The following ASS1 variants were observed in gnomAD, a reference collection of about 807,000 sequenced individuals.
ASS1 encodes the protein argininosuccinate synthase 1, also known as argininosuccinate synthase.
In ASS1, 58 loss-of-function variants were observed where a neutral mutation model predicts 60.5. That is an observed-to-expected ratio of 0.96 (90% CI 0.78 to 1.19). The LOEUF is 1.19. Ranked by LOEUF, ASS1 falls within the 50% of genes most tolerant of loss-of-function variation. The pLI, the probability that ASS1 is intolerant of heterozygous loss-of-function variation, is 0.00. For synonymous variants in ASS1, 200 were observed against 206.9 expected, an observed-to-expected ratio of 0.97 and a Z score of 0.29; for missense variants, 454 against 547.3, an observed-to-expected ratio of 0.83 and a Z score of 1.70.
intron 13 of ASS1, among the ~76,000 whole-genome samples, chr9:130,497,284 T>C (rs1212514081): frequency 6.6e-6 from 1 of 152,226 alleles, no homozygotes; most frequent in Non-Finnish European, 1.5e-5. Flanking sequence ...ACCATTTCCC[T>C]TTTCTTTTTG....
At chr9:130,499,611 G>C (rs781111470) in intron 14 of ASS1, 41 bp downstream of exon 14, 3 of 1,582,598 alleles carry the variant, frequency 1.9e-6, no homozygotes, top group Non-Finnish European at 2.6e-6. Context: ...AGAGCCTCCA[G>C]GTGTAAAGGG....
intron 6 of ASS1, among the ~76,000 whole-genome samples, chr9:130,467,319 C>G (rs1845766787): frequency 6.6e-6 from 1 of 152,198 alleles, no homozygotes. Context: ...TTTTGAAGTA[C>G]AAGTTGCAAT....
chr9:130,453,737 C>A (rs537562007), intron 2 of ASS1, among the ~76,000 whole-genome samples: 4 of 152,320 alleles, frequency 2.6e-5, no homozygotes, highest in Middle Eastern at 3.4e-3. Context: ...AGGCCAGAGT[C>A]CAGGCAGCAG....
rs1157942529 is a variant in ASS1 at position 130,494,211 on chromosome 9, A to C, written c.971-656A>C. Among the ~76,000 whole-genome samples the C allele has an allele frequency of 6.6e-6, 1 of 152,248 alleles. No homozygotes were observed. Among genetic ancestry groups the C allele is most frequent in the African/African-American group, 2.4e-5 (1 of 41,466 alleles). On this transcript the variant is annotated intron_variant, in intron 12 of 14. Transcript: ENST00000352480. This position sits in a 1 kb window ranked among gnomAD's most constrained non-coding sequence, Gnocchi z 4.3. ...TATTCTATCTGCCCAGGAAAACAGC[A>C]GCAGGTGCAGAAAACAGCTCACTGA... is the stretch of plus-strand genomic sequence containing the variant.
intron 1 of ASS1, 76 bp downstream of exon 1, chr9:130,445,071 C>A: frequency 1.2e-6 from 1 of 826,944 alleles, no homozygotes; most frequent in Non-Finnish European, 1.5e-6. Flanking sequence ...GAGGAGGAGG[C>A]GTAGAAGACG....
chr9:130,447,098 A>G (rs1344385051), intron 1 of ASS1, among the ~76,000 whole-genome samples: 1 of 152,232 alleles, frequency 6.6e-6, no homozygotes, highest in Admixed American at 6.5e-5. Flanking sequence ...GGCCTGAGCT[A>G]TAGCACACAG....
chr9:130,499,597 C>A, intron 14 of ASS1, 27 bp downstream of exon 14: 1 of 1,602,650 alleles, frequency 6.2e-7, no homozygotes, highest in Non-Finnish European at 8.5e-7. Flanking sequence ...CCTGACGGGC[C>A]TTCAGAGCCT....
At chr9:130,467,440 G>A (rs1470611983) in intron 6 of ASS1, among the ~76,000 whole-genome samples, 3 of 152,134 alleles carry the variant, frequency 2.0e-5, no homozygotes, top group African/African-American at 7.2e-5. Context: ...ATCAGGCCGG[G>A]GAAAAGCAAC....
intron 6 of ASS1, among the ~76,000 whole-genome samples, chr9:130,469,018 C>A (rs1845810355): frequency 6.6e-6 from 1 of 152,262 alleles, no homozygotes; most frequent in African/African-American, 2.4e-5. Flanking sequence ...CCTTTAGCCT[C>A]TCCTTGCTCC....
intron 8 of ASS1, among the ~76,000 whole-genome samples, chr9:130,472,371 G>A (rs953679361): frequency 1.3e-5 from 2 of 152,122 alleles, no homozygotes; most frequent in East Asian, 3.9e-4. Context: ...TCACTCTCAC[G>A]CCCGCGTGCC....
chr9:130,462,822 G>A (rs961889931), intron 4 of ASS1, among the ~76,000 whole-genome samples: 15 of 152,202 alleles, frequency 9.9e-5, no homozygotes, highest in African/African-American at 3.6e-4. Flanking sequence ...AAAGGATTCA[G>A]TGAGTTAATT....
chr9:130,488,794 GT>G lies in ASS1; in HGVS notation c.839-538del, dbSNP rs1192629265. 6.6e-6 allele frequency among the ~76,000 whole-genome samples: 1 copy of G among 152,182 alleles called. No individual in the cohort carries two copies. The highest frequency in any genetic ancestry group is 1.5e-5 in the Non-Finnish European group (1 of 68,022). ...TGAGCTCAGTTTCCCCATCTGCACG[GT>G]GCGGTCAGCCTAGGTGATTGCCCAA... On this transcript the variant is annotated intron_variant, in intron 11 of 14. Transcript: ENST00000352480. The surrounding 1 kb of genome is among the most constrained non-coding windows in gnomAD (Gnocchi z 5.2).
rs950315263 is a variant in ASS1, at chr9:130,499,698, G to A, written c.1193+128G>A. The A allele has an allele frequency of 2.6e-5, 25 of 944,732 alleles. No individual in the cohort carries two copies. The Admixed American group carries it at 4.0e-4, about 15-fold the overall frequency. The allele number at this position is 944,732 out of a possible 1,614,324, so 58.5% of individuals were successfully genotyped here. A position where few individuals can be genotyped will look rare whatever the true frequency, so the allele number is the denominator to read the frequency against. On this transcript the variant is annotated intron_variant, in intron 14 of 14. Transcript: ENST00000352480. The stretch of plus-strand genomic sequence containing the variant: ...CTGCTGCCCTGCCCTGCCCTGCCCT[G>A]CCCTAGACAAACCCCACTTTCCTGT...
intron 1 of ASS1, among the ~76,000 whole-genome samples, chr9:130,449,111 G>A (rs947464681): frequency 1.3e-5 from 2 of 152,090 alleles, no homozygotes; most frequent in African/African-American, 4.8e-5. Flanking sequence ...CAGGCAGATC[G>A]CTTAAGTCCA....
intron 5 of ASS1, among the ~76,000 whole-genome samples, chr9:130,464,462 C>T (rs1845678411): frequency 1.3e-5 from 2 of 152,138 alleles, no homozygotes; most frequent in Non-Finnish European, 1.5e-5. Context: ...CAGGTGTGGG[C>T]AGGCATGGCT....
chr9:130,481,064 C>G (rs559535704), intron 11 of ASS1, among the ~76,000 whole-genome samples: 2 of 152,344 alleles, frequency 1.3e-5, no homozygotes, highest in South Asian at 2.1e-4. Context: ...TCGTATCCGC[C>G]TGTGGCTGGG....
intron 13 of ASS1, among the ~76,000 whole-genome samples, chr9:130,495,472 T>TACACACAC (rs71499245): frequency 0.014 from 2,077 of 146,844 alleles, 23 homozygotes; most frequent in African/African-American, 0.025. Context: ...CACATACATA[T>TACACACAC]ACACACACAC....
At chr9:130,495,470 T>TACACACAC (rs777921061) in intron 13 of ASS1, among the ~76,000 whole-genome samples, 2,239 of 130,476 alleles carry the variant, frequency 0.017, 19 homozygotes, top group South Asian at 0.032. Context: ...TACACATACA[T>TACACACAC]ATACACACAC....
At chr9:130,473,377 A>G (rs540813113) in intron 8 of ASS1, among the ~76,000 whole-genome samples, 1 of 152,264 alleles carries the variant, frequency 6.6e-6, no homozygotes, top group African/African-American at 2.4e-5. Context: ...GAAGGGTCCA[A>G]GGTCCTCTCA....
Sources: allele counts gnomAD v4.1 joint callset (sites outside exome capture counted in the v4.1 genomes callset), GRCh38; gene constraint gnomAD v4.1.1; non-coding constraint Gnocchi (gnomAD v3.1); transcripts MANE v1.5; gene names NCBI Gene and HGNC (gene_info 2026-07-23, HGNC 2026-07-21).